The following MOB3B variants were observed in gnomAD, a reference collection of about 807,000 sequenced individuals.
The protein encoded by MOB3B is MOB kinase activator-like 2B.
MOB3B carries 7 observed loss-of-function variants against 18.7 expected under a neutral mutation model. The ratio of observed to expected loss-of-function variants is 0.37; its 90% confidence interval spans 0.21 to 0.70. The LOEUF is 0.70. Among genes scored for constraint, MOB3B ranks in the 30% least tolerant of loss-of-function variants. The pLI is 0.52. For missense variants in MOB3B, 253 were observed against 281.3 expected (o/e 0.90, Z 0.72); for synonymous variants, 111 against 99.9 (o/e 1.11, Z -0.66).
At chr9:27,417,214 A>T (rs1464924003) in intron 2 of MOB3B, among the ~76,000 whole-genome samples, 1 of 152,092 alleles carries the variant, frequency 6.6e-6, no homozygotes, top group East Asian at 1.9e-4. Flanking sequence ...AATACAAAAA[A>T]TTAGCCAGGC....
intron 1 of MOB3B, among the ~76,000 whole-genome samples, chr9:27,500,566 T>G (rs567035652): frequency 6.6e-6 from 1 of 152,110 alleles, no homozygotes; most frequent in South Asian, 2.1e-4. Flanking sequence ...TGAAACTGGA[T>G]CCCTTCCTTA....
At chr9:27,472,451 G>C (rs952640374) in intron 1 of MOB3B, among the ~76,000 whole-genome samples, 3 of 152,030 alleles carry the variant, frequency 2.0e-5, no homozygotes, top group Admixed American at 1.3e-4. Context: ...GACAGTACAG[G>C]AAGCCACATC....
At chr9:27,390,401 C>G (rs1289353410) in intron 2 of MOB3B, among the ~76,000 whole-genome samples, 1 of 152,180 alleles carries the variant, frequency 6.6e-6, no homozygotes, top group Non-Finnish European at 1.5e-5. Context: ...GGGGTTTTGC[C>G]ATGTTGACCA....
At chr9:27,476,208 A>C (rs1465450527) in intron 1 of MOB3B, among the ~76,000 whole-genome samples, 3 of 152,232 alleles carry the variant, frequency 2.0e-5, no homozygotes, top group Non-Finnish European at 4.4e-5. Context: ...GCCTGCCATA[A>C]CAAAGTACTC....
chr9:27,398,309 G>A (rs1821830333), intron 2 of MOB3B, among the ~76,000 whole-genome samples: 2 of 152,136 alleles, frequency 1.3e-5, no homozygotes, highest in South Asian at 4.1e-4. Flanking sequence ...CATTTGCTCT[G>A]GAGGATTTTG....
rs116862396 is a variant in MOB3B, at chr9:27,354,602, T to G, written c.621+4432A>C. On this transcript the variant is annotated intron_variant, in intron 3 of 3. Coordinates refer to ENST00000262244, the MANE Select transcript of MOB3B (RefSeq NM_024761.5). ...CATGCATGTTCTGAGATAAGGGGCG[T>G]ATTGAAGAGAGTGACCAGTGTGTAA... Among the ~76,000 whole-genome samples the G allele has an allele frequency of 5.7e-3, 868 of 152,342 alleles. 6 individuals carry two copies. Among genetic ancestry groups the G allele is most frequent in the Admixed American group, 9.7e-3 (148 of 15,306 alleles).
intron 1 of MOB3B, among the ~76,000 whole-genome samples, chr9:27,475,715 A>G (rs1011772370): frequency 2.0e-5 from 3 of 152,212 alleles, no homozygotes; most frequent in Non-Finnish European, 4.4e-5. Context: ...CAGTGTTCTC[A>G]TTTCAGAAAA....
intron 2 of MOB3B, among the ~76,000 whole-genome samples, chr9:27,452,703 T>C (rs1038279751): frequency 4.6e-5 from 7 of 152,158 alleles, no homozygotes; most frequent in Non-Finnish European, 2.9e-5. Flanking sequence ...AATAAGGAAA[T>C]CCTGTCATTT....
intron 2 of MOB3B, among the ~76,000 whole-genome samples, chr9:27,446,210 C>T (rs1295177368): frequency 6.8e-6 from 1 of 146,564 alleles, no homozygotes; most frequent in East Asian, 1.9e-4. Flanking sequence ...AAAAATTCAA[C>T]TGCCTCCCAA....
At chr9:27,461,127 C>T (rs1204435546) in intron 1 of MOB3B, among the ~76,000 whole-genome samples, 2 of 152,220 alleles carry the variant, frequency 1.3e-5, no homozygotes, top group African/African-American at 4.8e-5. Context: ...TCTGATTTCT[C>T]ATTTTCCCAC....
chr9:27,417,513 C>G (rs1206245092), intron 2 of MOB3B, among the ~76,000 whole-genome samples: 1 of 152,194 alleles, frequency 6.6e-6, no homozygotes, highest in East Asian at 1.9e-4. Context: ...ATTACAGCTC[C>G]TCTGCTCACA....
intron 2 of MOB3B, among the ~76,000 whole-genome samples, chr9:27,366,207 A>G (rs1821340646): frequency 6.6e-6 from 1 of 152,156 alleles, no homozygotes; most frequent in Non-Finnish European, 1.5e-5. Flanking sequence ...GAGTTTATGA[A>G]TGTGTCTAAC....
chr9:27,352,272 T>C (rs925068015), intron 3 of MOB3B, among the ~76,000 whole-genome samples: 15 of 151,336 alleles, frequency 9.9e-5, no homozygotes, highest in Admixed American at 6.6e-5. Context: ...CCCCAGCTAC[T>C]TAGGAGGCTG....
chr9:27,441,331 C>T lies in MOB3B; in HGVS notation c.418+13802G>A, dbSNP rs556473528. On this transcript the variant is annotated intron_variant, in intron 2 of 3. Transcript: ENST00000262244. ...ACCTTAGCCTACAATTTTTTTCTTTCCTTAAGTCCTTATGTTCACCTTTTC... is the reference window on the plus strand; with the variant it reads ...ACCTTAGCCTACAATTTTTTTCTTTTCTTAAGTCCTTATGTTCACCTTTTC... Among the ~76,000 whole-genome samples, 8 of 152,182 alleles carry T rather than the reference C, an allele frequency of 5.3e-5. No homozygotes were observed. The East Asian group carries it at 1.5e-3, about 29-fold the overall frequency.
intron 3 of MOB3B, among the ~76,000 whole-genome samples, chr9:27,339,847 C>T (rs941259047): frequency 3.3e-5 from 5 of 152,256 alleles, no homozygotes; most frequent in Non-Finnish European, 7.3e-5. Flanking sequence ...AGGGACTCGG[C>T]TGGCAGGACC....
rs542987114 is a variant in MOB3B at position 27,466,894 on chromosome 9, A to G, written c.-198-11146T>C. 5.9e-4 allele frequency among the ~76,000 whole-genome samples: 90 copies of G among 152,050 alleles called. 2 individuals are homozygous for G. Among genetic ancestry groups the G allele is most frequent in the Admixed American group, 1.3e-4 (2 of 15,272 alleles). Reference sequence around the variant, plus strand: ...ATTTGGGTGGGGACACAGCCAAACCATATCATTCCTGTTATCATTCCTGTT... The same window carrying G: ...ATTTGGGTGGGGACACAGCCAAACCGTATCATTCCTGTTATCATTCCTGTT... On this transcript the variant is annotated intron_variant, in intron 1 of 3. Transcript: ENST00000262244.
At chr9:27,526,977 C>T (rs72725300) in intron 1 of MOB3B, among the ~76,000 whole-genome samples, 1,919 of 152,300 alleles carry the variant, frequency 0.013, 13 homozygotes, top group Admixed American at 0.021. Flanking sequence ...CTAAAGAACG[C>T]ATCAGCCCCT....
chr9:27,369,732 A>G (rs1439892769), intron 2 of MOB3B, among the ~76,000 whole-genome samples: 2 of 152,198 alleles, frequency 1.3e-5, no homozygotes, highest in Admixed American at 6.5e-5. Flanking sequence ...GCGTTGCTAC[A>G]TACTGGAGGG....
chr9:27,374,480 A>G (rs1031747734), intron 2 of MOB3B, among the ~76,000 whole-genome samples: 4 of 152,150 alleles, frequency 2.6e-5, no homozygotes, highest in Admixed American at 1.3e-4. Flanking sequence ...CTAGTAGCCA[A>G]TTTTAAGGTC....
Sources: gnomAD v4.1 joint callset for allele counts (sites outside exome capture counted in the v4.1 genomes callset) on GRCh38, gnomAD v4.1.1 for gene constraint, MANE v1.5 for transcripts, NCBI Gene and HGNC (gene_info 2026-07-23, HGNC 2026-07-21) for gene names.